Variants in PKNOX2 observed in about 807,000 individuals in gnomAD.
PKNOX2 encodes PBX/knotted 1 homeobox 2.
Under a neutral mutation model 53.1 loss-of-function variants are expected in PKNOX2, and 14 were observed. That is an observed-to-expected ratio of 0.26 (90% CI 0.17 to 0.41). PKNOX2 has a LOEUF of 0.41. PKNOX2 is among the 10% of genes least tolerant of loss of function. PKNOX2 has a pLI of 1.00. For missense variants in PKNOX2, 496 were observed against 602.8 expected (o/e 0.82, Z 1.85); for synonymous variants, 257 against 242.8 (o/e 1.06, Z -0.54).
At chr11:125,171,679 C>T (rs1371077798) in intron 1 of PKNOX2, among the ~76,000 whole-genome samples, 1 of 152,210 alleles carries the variant, frequency 6.6e-6, no homozygotes, top group East Asian at 1.9e-4. Flanking sequence ...CTTTCCCTTT[C>T]CTTTTGCTTC....
intron 1 of PKNOX2, among the ~76,000 whole-genome samples, chr11:125,216,732 C>CCCTCCCT (rs1379461831): frequency 2.0e-5 from 3 of 152,136 alleles, no homozygotes; most frequent in African/African-American, 4.8e-5. Context: ...GGTGCTTCCT[C>CCCTCCCT]CCTCCCTCCT....
At chr11:125,318,683 C>T (rs1949348936) in intron 2 of PKNOX2, among the ~76,000 whole-genome samples, 1 of 152,182 alleles carries the variant, frequency 6.6e-6, no homozygotes, top group African/African-American at 2.4e-5. Flanking sequence ...ACACAAAGGC[C>T]TAACTTTTGC....
At chr11:125,416,499 C>T (rs946291638) in intron 10 of PKNOX2, among the ~76,000 whole-genome samples, 6 of 151,736 alleles carry the variant, frequency 4.0e-5, no homozygotes, top group South Asian at 2.1e-4. Flanking sequence ...TTATCAACAG[C>T]GACTCTTTTT....
intron 6 of PKNOX2, among the ~76,000 whole-genome samples, chr11:125,392,330 C>T (rs34000158): frequency 0.063 from 9,566 of 152,328 alleles, 493 homozygotes; most frequent in Admixed American, 0.15. Context: ...GGCTCGGACT[C>T]AAATCCAGGC....
At chr11:125,358,056 C>T (rs947936114) in intron 4 of PKNOX2, among the ~76,000 whole-genome samples, 15 of 152,122 alleles carry the variant, frequency 9.9e-5, no homozygotes, top group African/African-American at 2.7e-4. Flanking sequence ...CCCTGTCTCA[C>T]GAGGCTGTTG....
Position 125,318,892 on chromosome 11 carries a change from T to C in PKNOX2, c.-129-12927T>C, listed in dbSNP as rs1037690017. On this transcript the variant is annotated intron_variant, in intron 2 of 12. Transcript: ENST00000298282. ...TGTCTGGCGGTTCCTCTCACCCTTTTATCCTGCTGTTATGTAAGACGTGCC... is the reference window on the plus strand; with the variant it reads ...TGTCTGGCGGTTCCTCTCACCCTTTCATCCTGCTGTTATGTAAGACGTGCC... 3.3e-5 allele frequency among the ~76,000 whole-genome samples: 5 copies of C among 152,302 alleles called. No individual in the cohort carries two copies. In the East Asian group the frequency reaches 5.8e-4, roughly 18 times the overall value.
intron 1 of PKNOX2, among the ~76,000 whole-genome samples, chr11:125,192,492 G>A (rs1406201403): frequency 1.3e-5 from 2 of 152,190 alleles, no homozygotes; most frequent in Non-Finnish European, 2.9e-5. Context: ...TGACGCTGGG[G>A]GAGCCTGGCA....
chr11:125,366,829 T>G (rs1952214664), intron 4 of PKNOX2, among the ~76,000 whole-genome samples: 1 of 152,262 alleles, frequency 6.6e-6, no homozygotes, highest in African/African-American at 2.4e-5. Flanking sequence ...ATTAATTCAT[T>G]TATTCACTCA....
intron 2 of PKNOX2, among the ~76,000 whole-genome samples, chr11:125,257,299 G>T (rs1008725369): frequency 2.0e-5 from 3 of 152,184 alleles, no homozygotes; most frequent in Non-Finnish European, 2.9e-5. Context: ...AGGGGAGAGG[G>T]GAGAGGGGAA....
At chr11:125,182,822 A>G (rs4936988) in intron 1 of PKNOX2, among the ~76,000 whole-genome samples, 44,217 of 151,846 alleles carry the variant, frequency 0.29, 6,435 homozygotes, top group East Asian at 0.43. Context: ...TTGTGGAGAC[A>G]GAGGTATAGA....
chr11:125,222,738 T>C (rs527526298), intron 1 of PKNOX2, among the ~76,000 whole-genome samples: 2,336 of 150,714 alleles, frequency 0.015, 50 homozygotes, highest in African/African-American at 0.054. Context: ...TGTGTGTGTG[T>C]CTGTGTCTGT....
intron 2 of PKNOX2, among the ~76,000 whole-genome samples, chr11:125,254,800 G>A (rs1944288830): frequency 6.6e-6 from 1 of 150,574 alleles, no homozygotes. Flanking sequence ...TGATGACGGT[G>A]TCCAGGTGAA....
At position 125,166,871 on chromosome 11, in the gene PKNOX2, C is replaced by T. The variant is rs12798825; in HGVS notation, c.-201+2095C>T. ...TTTCGGGTTTCAAATGCTCTATAAC[C>T]GGTGGCAGCCAAAAGCTTCGCATTT... On this transcript the variant is annotated intron_variant, in intron 1 of 12. Coordinates refer to ENST00000298282, the MANE Select transcript of PKNOX2 (RefSeq NM_001382323.2). This position sits in a 1 kb window ranked among gnomAD's most constrained non-coding sequence, Gnocchi z 4.0. Among the ~76,000 whole-genome samples, 100,107 of 151,964 alleles carry T rather than the reference C, an allele frequency of 0.66. 34,091 individuals carry two copies. The highest frequency in any genetic ancestry group is 0.8 in the African/African-American group (33,285 of 41,476).
intron 10 of PKNOX2, among the ~76,000 whole-genome samples, chr11:125,413,661 G>T (rs115777262): frequency 0.016 from 2,419 of 152,190 alleles, 59 homozygotes; most frequent in African/African-American, 0.055. Flanking sequence ...CCTTTTACCC[G>T]GCAACTTGGT....
intron 2 of PKNOX2, among the ~76,000 whole-genome samples, chr11:125,308,864 C>G (rs1483150112): frequency 6.6e-6 from 1 of 152,224 alleles, no homozygotes; most frequent in Non-Finnish European, 1.5e-5. Flanking sequence ...CTCTCGCCTG[C>G]ACAGTGTAAG....
At chr11:125,198,443 A>C (rs1938014287) in intron 1 of PKNOX2, among the ~76,000 whole-genome samples, 1 of 152,128 alleles carries the variant, frequency 6.6e-6, no homozygotes, top group African/African-American at 2.4e-5. Flanking sequence ...GCATGGGGAC[A>C]ATTTCTCCTT....
At chr11:125,396,017 C>A (rs147598338) in intron 6 of PKNOX2, among the ~76,000 whole-genome samples, 2 of 150,784 alleles carry the variant, frequency 1.3e-5, no homozygotes, top group Non-Finnish European at 2.9e-5. Context: ...GCAGTGGCTC[C>A]ATCTCGGCTC....
At position 125,352,108 on chromosome 11, in the gene PKNOX2, C is replaced by T. The variant is rs1467730748; in HGVS notation, c.87+716C>T. On this transcript the variant is annotated intron_variant, in intron 4 of 12. Transcript: ENST00000298282. This position sits in a 1 kb window ranked among gnomAD's most constrained non-coding sequence, Gnocchi z 4.1. ...CTTCTCCTCCTGGAAGCCTGCCCAG[C>T]TTGTGGGGGCTGCCCTCCTACATCC... 6.6e-6 allele frequency among the ~76,000 whole-genome samples: 1 copy of T among 152,110 alleles called. No homozygotes were observed. The highest frequency in any genetic ancestry group is 1.5e-5 in the Non-Finnish European group (1 of 68,030).
chr11:125,192,620 G>A (rs1956948161), intron 1 of PKNOX2, among the ~76,000 whole-genome samples: 1 of 152,348 alleles, frequency 6.6e-6, no homozygotes, highest in East Asian at 1.9e-4. Context: ...TATTGAGTGT[G>A]GGGTGGCAGG....
Sources: allele counts gnomAD v4.1 joint callset (sites outside exome capture counted in the v4.1 genomes callset), GRCh38; gene constraint gnomAD v4.1.1; non-coding constraint Gnocchi (gnomAD v3.1); transcripts MANE v1.5; gene names NCBI Gene and HGNC (gene_info 2026-07-23, HGNC 2026-07-21).